The following AFDN variants were observed in gnomAD, a reference collection of about 807,000 sequenced individuals.
The protein encoded by AFDN is afadin.
Under a neutral mutation model 216.6 loss-of-function variants are expected in AFDN, and 68 were observed. That is an observed-to-expected ratio of 0.31 (90% CI 0.26 to 0.38). The LOEUF is 0.38. AFDN is among the 10% of genes least tolerant of loss of function. AFDN has a pLI of 1.00. For synonymous variants in AFDN, 868 were observed against 853.7 expected, an observed-to-expected ratio of 1.02 and a Z score of -0.29; for missense variants, 2,136 against 2,342.0, an observed-to-expected ratio of 0.91 and a Z score of 1.82.
At chr6:167,957,177 T>C (rs1796605822) in intron 30 of AFDN, among the ~76,000 whole-genome samples, 1 of 145,820 alleles carries the variant, frequency 6.9e-6, no homozygotes, top group Non-Finnish European at 1.5e-5. Flanking sequence ...GGGGCCCACC[T>C]GCCCCCACTG....
At chr6:167,949,188 A>G (rs1397710178) in intron 29 of AFDN, among the ~76,000 whole-genome samples, 1 of 152,222 alleles carries the variant, frequency 6.6e-6, no homozygotes, top group Non-Finnish European at 1.5e-5. Flanking sequence ...AACTGTTTGT[A>G]TGGTGAAGGA....
Position 167,946,687 on chromosome 6 carries a change from T to A in AFDN, c.3359-20T>A. 6.2e-7 allele frequency: 1 copy of A among 1,608,324 alleles called. No homozygotes were observed. The highest frequency in any genetic ancestry group is 2.2e-5 in the East Asian group (1 of 44,828). Reference sequence around the variant, plus strand: ...TTGAAAATAAAATCTTAAGAGATACTGAATATGCTTTGATTCCAGTTTCAG... The same window carrying A: ...TTGAAAATAAAATCTTAAGAGATACAGAATATGCTTTGATTCCAGTTTCAG... On this transcript the variant is annotated intron_variant, in intron 26 of 33. Transcript: ENST00000683244.
Position 167,887,898 on chromosome 6 carries a change from G to C in AFDN, c.898-1317G>C, listed in dbSNP as rs144670679. Among the ~76,000 whole-genome samples, 352 of 152,300 alleles carry C rather than the reference G, an allele frequency of 2.3e-3. 4 individuals are homozygous for C. Among genetic ancestry groups the C allele is most frequent in the African/African-American group, 7.5e-3 (312 of 41,552 alleles). On this transcript the variant is annotated intron_variant, in intron 6 of 33. Transcript: ENST00000683244. ...CTGCCCTTAGAGCTTATAATAAAGGGAGACAGAAAGACTAAGAAATAGAAA... is the reference window on the plus strand; with the variant it reads ...CTGCCCTTAGAGCTTATAATAAAGGCAGACAGAAAGACTAAGAAATAGAAA...
intron 29 of AFDN, among the ~76,000 whole-genome samples, chr6:167,949,199 T>C (rs2128669599): frequency 6.6e-6 from 1 of 152,230 alleles, no homozygotes; most frequent in Non-Finnish European, 1.5e-5. Context: ...TGGTGAAGGA[T>C]TGGGAGAAGA....
intron 30 of AFDN, among the ~76,000 whole-genome samples, chr6:167,959,179 A>C (rs1796806597): frequency 6.6e-6 from 1 of 152,214 alleles, no homozygotes; most frequent in East Asian, 1.9e-4. Context: ...TTCACCAGCT[A>C]AGCTCTAGAT....
At chr6:167,948,793 A>G (rs912237730) in intron 29 of AFDN, among the ~76,000 whole-genome samples, 5 of 152,248 alleles carry the variant, frequency 3.3e-5, no homozygotes, top group Non-Finnish European at 5.9e-5. Flanking sequence ...ATCAGGAGCT[A>G]TCCCTGCCTG....
intron 1 of AFDN, chr6:167,864,276 A>G (rs1327964217): frequency 4.6e-6 from 3 of 645,444 alleles, no homozygotes; most frequent in East Asian, 3.4e-5. Flanking sequence ...ACCACTTGCC[A>G]AGGACCAATA....
In AFDN at chr6:167,864,693, T is replaced by C. The variant is rs771490954; in HGVS notation, c.248T>C (p.Met83Thr). 1 of 1,614,218 alleles carries C rather than the reference T, an allele frequency of 6.2e-7. No homozygotes were observed. The highest frequency in any genetic ancestry group is 8.5e-7 in the Non-Finnish European group (1 of 1,180,034). ...CTCGCGGAGAAATTTCGACCTGATATGCGAATGCTGTCCTCTCCCAAGTAT... is the reference window on the plus strand; with the variant it reads ...CTCGCGGAGAAATTTCGACCTGATACGCGAATGCTGTCCTCTCCCAAGTAT... ...ETLAEKFRPD[M>T]RMLSSPKYSL... The change falls in exon 2 of 34, where the codon ATG becomes ACG. Residue 83 changes from methionine (M) to threonine (T), a missense_variant. Around this residue, in one of 8 missense-constraint regions of AFDN, gnomAD observed 817 missense variants for 965.7 expected, o/e 0.85. Transcript: ENST00000683244.
At chr6:167,938,331 C>A (rs916112879) in intron 23 of AFDN, among the ~76,000 whole-genome samples, 5 of 152,146 alleles carry the variant, frequency 3.3e-5, no homozygotes, top group African/African-American at 4.8e-5. Context: ...CTGTGAATAA[C>A]TTATGCAGGA....
chr6:167,852,862 A>G (rs569175966), intron 1 of AFDN, among the ~76,000 whole-genome samples: 4 of 152,096 alleles, frequency 2.6e-5, no homozygotes, highest in African/African-American at 7.2e-5. Context: ...GATTGTCCCA[A>G]ATTTGTCCAG....
At position 167,917,218 on chromosome 6, in the gene AFDN, C is replaced by T. The variant is rs1791193683; in HGVS notation, c.2695C>T (p.Pro899Ser). ...GAACTATCACTGTGCACCTGATGAGCCTTTTATCCCAACGGTGAGTGGATG... is the reference window on the plus strand; with the variant it reads ...GAACTATCACTGTGCACCTGATGAGTCTTTTATCCCAACGGTGAGTGGATG... ...LQNYHCAPDE[P>S]FIPTDLIENV... Residue 899 changes from proline (P) to serine (S), a missense_variant, in exon 20 of 34, where the codon CCT becomes TCT. Coordinates refer to ENST00000683244, the MANE Select transcript of AFDN (RefSeq NM_001386888.1). 1 of 1,598,050 alleles carries T rather than the reference C, an allele frequency of 6.3e-7. No individual in the cohort carries two copies. Among genetic ancestry groups the T allele is most frequent in the Admixed American group, 1.8e-5 (1 of 56,490 alleles).
Position 167,915,452 on chromosome 6 carries a change from C to T in AFDN, c.2565+19C>T. On this transcript the variant is annotated intron_variant, in intron 19 of 33. Coordinates refer to ENST00000683244, the MANE Select transcript of AFDN (RefSeq NM_001386888.1). ...CGTGCAGGTGATTGCTGGTGCCACT[C>T]CCCAGCTCATGTGCTTTATGATAAA... is the stretch of plus-strand genomic sequence containing the variant. 1 of 1,592,048 alleles carries T rather than the reference C, an allele frequency of 6.3e-7. No individual in the cohort carries two copies. Among genetic ancestry groups the T allele is most frequent in the Non-Finnish European group, 8.6e-7 (1 of 1,167,038 alleles).
intron 1 of AFDN, among the ~76,000 whole-genome samples, chr6:167,843,846 C>A (rs928048313): frequency 6.6e-6 from 1 of 152,152 alleles, no homozygotes; most frequent in Non-Finnish European, 1.5e-5. Flanking sequence ...ATAATTAGAA[C>A]CTTTTGTGTT....
chr6:167,924,691 T>C (rs539983678), intron 22 of AFDN, among the ~76,000 whole-genome samples: 8 of 150,940 alleles, frequency 5.3e-5, no homozygotes, highest in Admixed American at 5.3e-4. Context: ...ATTTTTTCCT[T>C]ACGATCAGGC....
intron 23 of AFDN, among the ~76,000 whole-genome samples, chr6:167,935,026 T>C (rs1162009537): frequency 6.6e-6 from 1 of 152,210 alleles, no homozygotes; most frequent in Non-Finnish European, 1.5e-5. Context: ...ATTTCTGTTT[T>C]TTATTATAAT....
At chr6:167,938,887 G>A (rs1201030860) in intron 23 of AFDN, among the ~76,000 whole-genome samples, 1 of 152,222 alleles carries the variant, frequency 6.6e-6, no homozygotes, top group African/African-American at 2.4e-5. Context: ...GGGAGTGGCA[G>A]AAGAGCTGAC....
intron 12 of AFDN, among the ~76,000 whole-genome samples, chr6:167,902,716 T>C (rs941449866): frequency 6.6e-6 from 1 of 152,206 alleles, no homozygotes; most frequent in Admixed American, 6.5e-5. Context: ...TCTCAAAATA[T>C]CTTATTGTAT....
Position 167,965,979 on chromosome 6 carries a change from T to G in AFDN, c.5191T>G (p.Ser1731Ala). The G allele has an allele frequency of 6.5e-7, 1 of 1,544,720 alleles. No homozygotes were observed. Among genetic ancestry groups the G allele is most frequent in the Non-Finnish European group, 8.7e-7 (1 of 1,143,658 alleles). The change falls in exon 32 of 34, where the codon TCG (serine) becomes GCG (alanine). Residue 1731 changes from serine (S) to alanine (A), a missense_variant. Ser to Ala is a moderately conservative substitution (Grantham distance 99). Around this residue, in one of 8 missense-constraint regions of AFDN, gnomAD observed 981 missense variants for 966.0 expected, o/e 1.02. Transcript: ENST00000683244. Reference sequence around the variant, plus strand: ...CAAAACACAGGTCCTCTCCCCCGACTCGCTGTTCACTGCCAAGTTTGTTGC... The same window carrying G: ...CAAAACACAGGTCCTCTCCCCCGACGCGCTGTTCACTGCCAAGTTTGTTGC... ...YLKTQVLSPD[S>A]LFTAKFVAYN...
intron 6 of AFDN, among the ~76,000 whole-genome samples, chr6:167,887,586 A>T (rs1293627183): frequency 6.6e-6 from 1 of 151,626 alleles, no homozygotes; most frequent in African/African-American, 2.4e-5. Flanking sequence ...CTCCCGAATA[A>T]CTGGGACTAC....
Sources: allele counts gnomAD v4.1 joint callset (sites outside exome capture counted in the v4.1 genomes callset), GRCh38; gene constraint gnomAD v4.1.1; regional missense constraint gnomAD v4.1.1; transcripts MANE v1.5; gene names NCBI Gene and HGNC (gene_info 2026-07-23, HGNC 2026-07-21).